The following SURF1 variants were observed in gnomAD, a reference collection of about 807,000 sequenced individuals.
SURF1 encodes the protein SURF1 cytochrome c oxidase assembly factor.
A neutral mutation model predicts 34.1 loss-of-function variants in SURF1; 45 were observed. The ratio of observed to expected loss-of-function variants is 1.32; its 90% CI spans 1.04 to 1.69. SURF1 has a LOEUF of 1.69. Among genes scored for constraint, SURF1 ranks in the 40% most tolerant of loss-of-function variants. The pLI is 0.00. For synonymous variants in SURF1, 188 were observed against 147.5 expected, an observed-to-expected ratio of 1.27 and a Z score of -1.99; for missense variants, 456 against 384.6, an observed-to-expected ratio of 1.19 and a Z score of -1.55.
chr9:133,352,895 TG>T, intron 5 of SURF1, 129 bp from the exon 6 acceptor site: 1 of 1,065,866 alleles, frequency 9.4e-7, no homozygotes, highest in Non-Finnish European at 1.4e-6. Context: ...GCTGGCTCAG[TG>T]GAGCCCTGGC....
Position 133,351,803 on chromosome 9 carries a change from G to C in SURF1, c.*110C>G. 8.1e-7 allele frequency: 1 copy of C among 1,230,136 alleles called. No homozygotes were observed. Among genetic ancestry groups the C allele is most frequent in the Non-Finnish European group, 1.2e-6 (1 of 856,656 alleles). 76.2% of individuals were successfully genotyped at this position (1,230,136 alleles called of 1,614,324 possible). ...GGATTTTATGATGAACCAGTCATGA[G>C]CTCATTTAAGGTAGAAGGCCAGAAC... On this transcript the variant is annotated 3_prime_UTR_variant, in exon 9 of 9. Coordinates refer to ENST00000371974, the MANE Select transcript of SURF1 (RefSeq NM_003172.4).
At chr9:133,356,352 G>A in intron 1 of SURF1, 32 bp from the exon 2 acceptor site, 1 of 1,471,430 alleles carries the variant, frequency 6.8e-7, no homozygotes, top group Non-Finnish European at 8.9e-7. Context: ...CTGAGCTCCG[G>A]GACCCCTCCC....
In SURF1 at chr9:133,354,895, C is replaced by T. The variant is rs2130019539; in HGVS notation, c.169G>A (p.Glu57Lys). The T allele has an allele frequency of 6.8e-6, 11 of 1,613,912 alleles. No individual in the cohort carries two copies. The East Asian group carries it at 2.0e-4, about 29-fold the overall frequency. The change falls in exon 3 of 9, where the codon GAA (glutamate) becomes AAA (lysine). Residue 57 changes from glutamate to lysine, a missense_variant. Transcript: ENST00000371974. ...ACCCACTGAAGAAAGGAGTCATCTT[C>T]CGCTTTTGTGGCAGATGCTTCTGCT... ...SAAEASATKAEDDSFLQWVLL... is the reference protein window; with the variant it reads ...SAAEASATKAKDDSFLQWVLL...
At chr9:133,353,627 C>T in intron 5 of SURF1, 122 bp downstream of exon 5, 3 of 1,123,060 alleles carry the variant, frequency 2.7e-6, no homozygotes, top group Non-Finnish European at 4.0e-6. Context: ...ATTGAATCTC[C>T]TGGGTATCTT....
At chr9:133,354,777 G>C in intron 3 of SURF1, 36 bp from the exon 4 acceptor site, 1 of 1,613,754 alleles carries the variant, frequency 6.2e-7, no homozygotes, top group Non-Finnish European at 8.5e-7. Context: ...GCAGATGGCA[G>C]CAAGGTCAAG....
chr9:133,352,339 C>T, intron 7 of SURF1, 107 bp downstream of exon 7: 2 of 1,573,386 alleles, frequency 1.3e-6, no homozygotes, highest in Admixed American at 1.7e-5. Flanking sequence ...CCGCCATATA[C>T]ACATGTGAGA....
chr9:133,351,921 C>T lies in SURF1; in HGVS notation c.895G>A (p.Gly299Ser). The change falls in exon 9 of 9, where the codon GGT becomes AGT. Residue 299 changes from glycine (G) to serine (S), a missense_variant. Transcript: ENST00000371974. Reference sequence around the variant, plus strand: ...CTTCAGCAGCTGATCTGTCACACACCAGGTGTCCCACGTAGGAATTTCTTA... The same window carrying T: ...CTTCAGCAGCTGATCTGTCACACACTAGGTGTCCCACGTAGGAATTTCTTA... ...WFKKFLRGTP[G>S]V 1 of 1,613,688 alleles carries T rather than the reference C, an allele frequency of 6.2e-7. No individual in the cohort carries two copies. Among genetic ancestry groups the T allele is most frequent in the Non-Finnish European group, 8.5e-7 (1 of 1,179,902 alleles).
rs2130008500 is a variant in SURF1, at chr9:133,352,614, A to G, written c.589-6T>C. On this transcript the variant is annotated splice_polypyrimidine_tract_variant and splice_region_variant and intron_variant, in intron 6 of 8. Transcript: ENST00000371974. ...AGGTCCACTTCTCCCTCAATCTATA[A>G]AGGAAGGTGTGTGAGATTGCATGGA... The G allele has an allele frequency of 6.2e-7, 1 of 1,614,082 alleles. No individual in the cohort carries two copies.
At chr9:133,355,266 C>A (rs1037188229) in intron 2 of SURF1, among the ~76,000 whole-genome samples, 3 of 152,198 alleles carry the variant, frequency 2.0e-5, no homozygotes, top group African/African-American at 7.2e-5. Context: ...ACCATTCATC[C>A]ATTCAAAATG....
At chr9:133,355,108 G>T in intron 2 of SURF1, 151 bp from the exon 3 acceptor site, 1 of 1,038,420 alleles carries the variant, frequency 9.6e-7, no homozygotes, top group Non-Finnish European at 1.5e-6. Context: ...CTCCTAACCC[G>T]GTGCCCAGAA....
chr9:133,356,481 G>A lies in SURF1; in HGVS notation c.-28C>T, dbSNP rs1287215877. On this transcript the variant is annotated 5_prime_UTR_variant, in exon 1 of 9. Transcript: ENST00000371974. ...CACCCGGCCCCGCGGGCGCTTCCGG[G>A]ACGCAGGAAGCATCTGCATCCGGGG... 4.8e-5 allele frequency: 69 copies of A among 1,425,012 alleles called. No homozygotes were observed. Among genetic ancestry groups the A allele is most frequent in the Non-Finnish European group, 6.1e-5 (67 of 1,093,124 alleles). The allele number at this position is 1,425,012 out of a possible 1,614,324, so 88.3% of individuals were successfully genotyped here.
Position 133,352,071 on chromosome 9 carries a change from T to TGTACTGCAGATGCTC in SURF1, c.808_822dup (p.Glu270_Tyr274dup), listed in dbSNP as rs2130004204. ...CCGCTGGGGACTCACCAGGTCACGA[T>TGTACTGCAGATGCTC]GTACTGCAGATGCTCGTTCCTCAGA... On this transcript the variant is annotated inframe_insertion, in exon 8 of 9. Coordinates refer to ENST00000371974, the MANE Select transcript of SURF1 (RefSeq NM_003172.4). 13 of 1,611,796 alleles carry TGTACTGCAGATGCTC rather than the reference T, an allele frequency of 8.1e-6. No individual in the cohort carries two copies. Among genetic ancestry groups the TGTACTGCAGATGCTC allele is most frequent in the Non-Finnish European group, 1.1e-5 (13 of 1,178,950 alleles).
intron 2 of SURF1, chr9:133,355,958 C>A: frequency 1.9e-6 from 1 of 518,484 alleles, no homozygotes; most frequent in Non-Finnish European, 3.5e-6. Flanking sequence ...GAGCCCTGGG[C>A]TTTCAGCCTG....
At chr9:133,355,785 T>C (rs1836560006) in intron 2 of SURF1, among the ~76,000 whole-genome samples, 1 of 151,904 alleles carries the variant, frequency 6.6e-6, no homozygotes, top group South Asian at 2.1e-4. Context: ...TTCCATCCGC[T>C]GAAAAGCACC....
At chr9:133,353,198 C>A (rs1477429805) in intron 5 of SURF1, among the ~76,000 whole-genome samples, 1 of 152,186 alleles carries the variant, frequency 6.6e-6, no homozygotes, top group Non-Finnish European at 1.5e-5. Flanking sequence ...TACTTGGGCC[C>A]CATCCCAGCC....
In SURF1 at chr9:133,352,088, T is replaced by C. The variant is rs2130004420; in HGVS notation, c.806A>G (p.Asn269Ser). The change falls in exon 8 of 9, where the codon AAC becomes AGC. Residue 269 changes from asparagine to serine, a missense_variant. Coordinates refer to ENST00000371974, the MANE Select transcript of SURF1 (RefSeq NM_003172.4). The stretch of plus-strand genomic sequence containing the variant: ...GGTCACGATGTACTGCAGATGCTCG[T>C]TCCTCAGAGTAACTCTGGTTTGCCC... Reference protein sequence around the residue: ...IGGQTRVTLRNEHLQYIVTWY... With the variant: ...IGGQTRVTLRSEHLQYIVTWY... The C allele has an allele frequency of 8.7e-6, 14 of 1,610,870 alleles. No homozygotes were observed. In the South Asian group the frequency reaches 1.5e-4, roughly 18 times the overall value.
At position 133,354,904 on chromosome 9, in the gene SURF1, T is replaced by A. The variant is rs2130019646; in HGVS notation, c.160A>T (p.Thr54Ser). The A allele has an allele frequency of 6.2e-7, 1 of 1,613,952 alleles. No homozygotes were observed. Residue 54 changes from threonine (T) to serine (S), a missense_variant, in exon 3 of 9, where the codon ACA becomes TCA. Coordinates refer to ENST00000371974, the MANE Select transcript of SURF1 (RefSeq NM_003172.4). Reference sequence around the variant, plus strand: ...AGAAAGGAGTCATCTTCCGCTTTTGTGGCAGATGCTTCTGCTGCAGAACTG... The same window carrying A: ...AGAAAGGAGTCATCTTCCGCTTTTGAGGCAGATGCTTCTGCTGCAGAACTG... The part of the protein sequence containing the change: ...CGSSAAEASA[T>S]KAEDDSFLQW...
chr9:133,354,642 G>T lies in SURF1; in HGVS notation c.323+17C>A. 6.2e-7 allele frequency: 1 copy of T among 1,612,028 alleles called. No homozygotes were observed. Among genetic ancestry groups the T allele is most frequent in the Non-Finnish European group, 8.5e-7 (1 of 1,180,000 alleles). On this transcript the variant is annotated intron_variant, in intron 4 of 8. Transcript: ENST00000371974. ...ACTCAAGTAAAACAGGCCCTAGGGG[G>T]GCAGCCATGCACTCACTCGGCTGGC... is the stretch of plus-strand genomic sequence containing the variant.
intron 2 of SURF1, 45 bp downstream of exon 2, chr9:133,356,224 G>T (rs2130024571): frequency 6.5e-7 from 1 of 1,531,978 alleles, no homozygotes; most frequent in Non-Finnish European, 8.7e-7. Context: ...ACAGCAGGTG[G>T]CTCTGCCCAG....
Sources: gnomAD v4.1 joint callset for allele counts (sites outside exome capture counted in the v4.1 genomes callset) on GRCh38, gnomAD v4.1.1 for gene constraint, MANE v1.5 for transcripts, NCBI Gene and HGNC (gene_info 2026-07-23, HGNC 2026-07-21) for gene names.